Variants in MGST1 observed in about 807,000 individuals in gnomAD.
MGST1 encodes glutathione S-transferase 12.
A neutral mutation model predicts 8.9 loss-of-function variants in MGST1; 5 were observed. The observed-to-expected ratio is 0.56, with a 90% CI of 0.29 to 1.19. MGST1 has a LOEUF of 1.19. Among genes scored for constraint, MGST1 ranks in the 50% most tolerant of loss-of-function variants. The pLI is 0.08. For synonymous variants in MGST1, 54 were observed against 67.8 expected, an observed-to-expected ratio of 0.80 and a Z score of 1.00; for missense variants, 182 against 187.4, an observed-to-expected ratio of 0.97 and a Z score of 0.17.
At chr12:16,420,608 G>C (rs773736285) in intron 1 of MGST1, among the ~76,000 whole-genome samples, 4 of 152,064 alleles carry the variant, frequency 2.6e-5, no homozygotes, top group African/African-American at 9.7e-5. Context: ...CACAACAAAG[G>C]CTCCTCAGAT....
In MGST1 at chr12:16,587,459, A is replaced by T. The variant is rs755356793; in HGVS notation, n.483-2069A>T. ...CTAGAGAGCAAGGAATTCAAGTTCG[A>T]TTTTTTTTTCTTTTACTTTGCCTAC... is the stretch of plus-strand genomic sequence containing the variant. On this transcript the variant is annotated intron_variant and non_coding_transcript_variant, in intron 4 of 4. Coordinates refer to the MGST1 transcript ENST00000538857. The surrounding 1 kb of genome is among the most constrained non-coding windows in gnomAD (Gnocchi z 4.3). Among the ~76,000 whole-genome samples, 2 of 151,508 alleles carry T rather than the reference A, an allele frequency of 1.3e-5. No homozygotes were observed. Among genetic ancestry groups the T allele is most frequent in the African/African-American group, 2.4e-5 (1 of 41,230 alleles).
chr12:16,471,767 G>T (rs999102855), intron 4 of MGST1, among the ~76,000 whole-genome samples: 1 of 152,160 alleles, frequency 6.6e-6, no homozygotes, highest in African/African-American at 2.4e-5. Context: ...TGGCCAGAAT[G>T]TAGGCCTACA....
intron 4 of MGST1, among the ~76,000 whole-genome samples, chr12:16,490,458 A>G (rs1941431287): frequency 6.6e-6 from 1 of 152,230 alleles, no homozygotes; most frequent in African/African-American, 2.4e-5. Context: ...AAACATTTGT[A>G]TTTCTAAGCT....
At chr12:16,449,655 T>A (rs1941113878) in intron 4 of MGST1, among the ~76,000 whole-genome samples, 1 of 151,964 alleles carries the variant, frequency 6.6e-6, no homozygotes, top group South Asian at 2.1e-4. Flanking sequence ...AACTATATTG[T>A]GATGCCAATA....
In MGST1 at chr12:16,401,418, C is replaced by G. The variant is rs1056907539; in HGVS notation, n.778+17814C>G. ...TTTTGTTCAGGAGTTCTGGCTTCTG[C>G]TTTTTAGCCACGTCCATGACAGCAT... On this transcript the variant is annotated intron_variant and non_coding_transcript_variant, in intron 1 of 1. Transcript: ENST00000359720. The surrounding 1 kb of genome is among the most constrained non-coding windows in gnomAD (Gnocchi z 4.3). 3 of 935,878 alleles carry G rather than the reference C, an allele frequency of 3.2e-6. No individual in the cohort carries two copies. Among genetic ancestry groups the G allele is most frequent in the African/African-American group, 1.6e-5 (1 of 61,624 alleles). The allele number at this position is 935,878 out of a possible 1,614,324, so 58.0% of individuals were successfully genotyped here.
intron 1 of MGST1, among the ~76,000 whole-genome samples, chr12:16,411,364 G>A (rs930272747): frequency 6.6e-6 from 1 of 152,114 alleles, no homozygotes; most frequent in African/African-American, 2.4e-5. Flanking sequence ...ACGTTATATG[G>A]TGAAATCCTC....
chr12:16,489,690 T>C (rs188981640), intron 4 of MGST1, among the ~76,000 whole-genome samples: 2 of 152,350 alleles, frequency 1.3e-5, no homozygotes, highest in East Asian at 1.9e-4. Flanking sequence ...GAACATCATA[T>C]AGTTAGTAGA....
At chr12:16,411,615 G>C (rs1475587038) in intron 1 of MGST1, among the ~76,000 whole-genome samples, 1 of 152,078 alleles carries the variant, frequency 6.6e-6, no homozygotes, top group Non-Finnish European at 1.5e-5. Flanking sequence ...CTGTACAAAT[G>C]GTGGGGCTTC....
chr12:16,421,211 C>T (rs939155491), intron 1 of MGST1, among the ~76,000 whole-genome samples: 1 of 152,126 alleles, frequency 6.6e-6, no homozygotes, highest in African/African-American at 2.4e-5. Context: ...AGGTACTAAA[C>T]ATATGCCCCC....
chr12:16,513,920 G>C lies in MGST1; in HGVS notation n.483-75608G>C, dbSNP rs1053415766. ...ACTGGCATGCAGCTACAAGGTTATC[G>C]ATACTATGACCGCAAGACTTGCGGT... On this transcript the variant is annotated intron_variant and non_coding_transcript_variant, in intron 4 of 4. Transcript: ENST00000538857. This position sits in a 1 kb window ranked among gnomAD's most constrained non-coding sequence, Gnocchi z 4.2. The C allele has an allele frequency of 3.5e-6, 2 of 577,378 alleles. No individual in the cohort carries two copies. Among genetic ancestry groups the C allele is most frequent in the East Asian group, 3.8e-5 (1 of 26,076 alleles). The allele number at this position is 577,378 out of a possible 1,614,324, so 35.8% of individuals were successfully genotyped here.
chr12:16,456,242 G>A (rs1339499300), intron 4 of MGST1, among the ~76,000 whole-genome samples: 3 of 151,624 alleles, frequency 2.0e-5, no homozygotes, highest in South Asian at 2.1e-4. Context: ...TTCCCCAATT[G>A]GAGAAAGTCG....
At chr12:16,375,814 T>G (rs1940370166) in intron 3 of MGST1, among the ~76,000 whole-genome samples, 1 of 151,800 alleles carries the variant, frequency 6.6e-6, no homozygotes, top group Non-Finnish European at 1.5e-5. Context: ...AGCAAGCAGA[T>G]GCAGGCAATG....
intron 1 of MGST1, among the ~76,000 whole-genome samples, chr12:16,426,012 C>T (rs1440414417): frequency 6.6e-6 from 1 of 152,124 alleles, no homozygotes; most frequent in Non-Finnish European, 1.5e-5. Flanking sequence ...TATTATAATA[C>T]AATAGACTCC....
At position 16,500,092 on chromosome 12, in the gene MGST1, A is replaced by C. The variant is rs1172448744; in HGVS notation, n.483-89436A>C. Among the ~76,000 whole-genome samples, 1 of 152,196 alleles carries C rather than the reference A, an allele frequency of 6.6e-6. No homozygotes were observed. The highest frequency in any genetic ancestry group is 1.9e-4 in the East Asian group (1 of 5,198). ...TATGTTTAAACTTTAGATATTTGTC[A>C]ACAATTAATTATTTCTTAAAGATTA... On this transcript the variant is annotated intron_variant and non_coding_transcript_variant, in intron 4 of 4. Transcript: ENST00000538857. This position sits in a 1 kb window ranked among gnomAD's most constrained non-coding sequence, Gnocchi z 4.3.
At chr12:16,357,497 G>C in intron 2 of MGST1, 108 bp from the exon 3 acceptor site, 1 of 791,246 alleles carries the variant, frequency 1.3e-6, no homozygotes, top group South Asian at 2.0e-5. Flanking sequence ...TTGAATTCTT[G>C]GGCTCAAGCA....
At position 16,486,358 on chromosome 12, in the gene MGST1, G is replaced by T. The variant is rs147184196; in HGVS notation, n.482+102754G>T. 4.8e-3 allele frequency among the ~76,000 whole-genome samples: 732 copies of T among 152,200 alleles called. 8 individuals are homozygous for T. Among genetic ancestry groups the T allele is most frequent in the African/African-American group, 0.017 (706 of 41,534 alleles). Reference sequence around the variant, plus strand: ...ATTAATCGAAAATTGATGACTATTTGTTAGATAACTAACATTGATGAATAT... The same window carrying T: ...ATTAATCGAAAATTGATGACTATTTTTTAGATAACTAACATTGATGAATAT... On this transcript the variant is annotated intron_variant and non_coding_transcript_variant, in intron 4 of 4. Coordinates refer to the MGST1 transcript ENST00000538857.
chr12:16,570,659 C>A (rs1375464994), intron 4 of MGST1, among the ~76,000 whole-genome samples: 2 of 152,088 alleles, frequency 1.3e-5, no homozygotes, highest in African/African-American at 4.8e-5. Flanking sequence ...TAGCAAAGCT[C>A]CACTGTGAAA....
At chr12:16,394,290 A>T (rs904848630) in intron 1 of MGST1, among the ~76,000 whole-genome samples, 1 of 150,204 alleles carries the variant, frequency 6.7e-6, no homozygotes. Context: ...TTTTTCTGCC[A>T]TTGGAGTTTT....
At chr12:16,579,540 G>C (rs544100170) in intron 4 of MGST1, among the ~76,000 whole-genome samples, 1 of 152,206 alleles carries the variant, frequency 6.6e-6, no homozygotes, top group South Asian at 2.1e-4. Flanking sequence ...CGGCATTATG[G>C]CCTAATAATT....
Sources: gnomAD v4.1 joint callset for allele counts (sites outside exome capture counted in the v4.1 genomes callset) on GRCh38, gnomAD v4.1.1 for gene constraint, Gnocchi (gnomAD v3.1) non-coding constraint, MANE v1.5 for transcripts, NCBI Gene and HGNC (gene_info 2026-07-23, HGNC 2026-07-21) for gene names.